ACVR2A: variants seen among roughly 807,000 people sequenced by gnomAD.
The protein encoded by ACVR2A is activin A receptor type 2A.
In ACVR2A, 7 loss-of-function variants were observed where a neutral mutation model predicts 61.4. The ratio of observed to expected loss-of-function variants is 0.11; its 90% confidence interval spans 0.06 to 0.21. The LOEUF (loss-of-function observed/expected upper bound fraction) is 0.21, where lower values mean the gene tolerates loss of function less well. ACVR2A is among the 10% of genes least tolerant of loss of function. The pLI, the probability that ACVR2A is intolerant of heterozygous loss-of-function variation, is 1.00. For missense variants in ACVR2A, 322 were observed against 621.7 expected (o/e 0.52, Z 5.13); for synonymous variants, 193 against 208.3 (o/e 0.93, Z 0.63).
Position 147,888,210 on chromosome 2 carries a change from T to A in ACVR2A, c.56-8091T>A, listed in dbSNP as rs144556445. On this transcript the variant is annotated intron_variant, in intron 1 of 10. Coordinates refer to ENST00000241416, the MANE Select transcript of ACVR2A (RefSeq NM_001616.5). ...CCCTCTGTCAGTACCTTGCTGTCTT[T>A]ATTATTGCAGTTACATTTTAAGCCT... 5.3e-3 allele frequency among the ~76,000 whole-genome samples: 805 copies of A among 152,304 alleles called. 6 individuals are homozygous for A. The highest frequency in any genetic ancestry group is 0.018 in the African/African-American group (741 of 41,574).
At chr2:147,892,871 G>A (rs1285089181) in intron 1 of ACVR2A, among the ~76,000 whole-genome samples, 5 of 151,598 alleles carry the variant, frequency 3.3e-5, no homozygotes, top group Non-Finnish European at 5.9e-5. Flanking sequence ...TCAAGATATG[G>A]TAGTTTCTTT....
chr2:147,855,665 TA>T (rs1685552539), intron 1 of ACVR2A, among the ~76,000 whole-genome samples: 1 of 152,148 alleles, frequency 6.6e-6, no homozygotes, highest in African/African-American at 2.4e-5. Flanking sequence ...TTAGTCATCT[TA>T]TTTTTTTTCC....
Position 147,902,838 on chromosome 2 carries a change from A to G in ACVR2A, c.528+2940A>G, listed in dbSNP as rs567113442. 3 of 152,126 alleles carry G rather than the reference A, an allele frequency of 2.0e-5. No homozygotes were observed. In the East Asian group the frequency reaches 5.8e-4, roughly 29 times the overall value. The allele number at this position is 152,126 out of a possible 1,614,324, so 9.4% of individuals were successfully genotyped here. On this transcript the variant is annotated intron_variant, in intron 4 of 10. Transcript: ENST00000241416. ...ATTCACGTCCCCATATTTCAACTTT[A>G]CATCAGTTAGGAAAAGATCTTACAG...
chr2:147,876,367 A>C (rs17742342), intron 1 of ACVR2A, among the ~76,000 whole-genome samples: 21,908 of 152,144 alleles, frequency 0.14, 1,950 homozygotes, highest in Middle Eastern at 0.22. Flanking sequence ...AAAAGTGAGC[A>C]AAAAATTTAA....
intron 8 of ACVR2A, among the ~76,000 whole-genome samples, chr2:147,920,601 C>A (rs922188504): frequency 3.3e-5 from 5 of 152,112 alleles, no homozygotes; most frequent in Admixed American, 3.3e-4. Flanking sequence ...GAATAATCCA[C>A]CACCTTTTAA....
intron 1 of ACVR2A, among the ~76,000 whole-genome samples, chr2:147,882,806 C>T (rs1215572174): frequency 1.5e-5 from 2 of 133,160 alleles, no homozygotes; most frequent in East Asian, 5.5e-4. Context: ...TGGGGTATTA[C>T]AGACAAGAGG....
At chr2:147,856,665 C>T (rs1027168349) in intron 1 of ACVR2A, among the ~76,000 whole-genome samples, 15 of 151,616 alleles carry the variant, frequency 9.9e-5, no homozygotes, top group South Asian at 4.2e-4. Context: ...TAAATGAGGA[C>T]GATGATAAAT....
rs573724496 is a variant in ACVR2A, at chr2:147,881,922, C to T, written c.56-14379C>T. On this transcript the variant is annotated intron_variant, in intron 1 of 10. Coordinates refer to ENST00000241416, the MANE Select transcript of ACVR2A (RefSeq NM_001616.5). The stretch of plus-strand genomic sequence containing the variant: ...AAATTTTGTTAATACAAAAATGTAC[C>T]GTTTGTGTTGAACTGGATCTACAAT... 3.3e-5 allele frequency among the ~76,000 whole-genome samples: 5 copies of T among 151,780 alleles called. No homozygotes were observed. The East Asian group carries it at 7.8e-4, about 24-fold the overall frequency.
At chr2:147,917,161 A>G (rs910086433) in intron 5 of ACVR2A, 122 bp from the exon 6 acceptor site, 31 of 1,098,632 alleles carry the variant, frequency 2.8e-5, no homozygotes, top group Middle Eastern at 6.2e-4. Context: ...AGAACAAAAA[A>G]TTTTTTAAGA....
intron 5 of ACVR2A, 84 bp downstream of exon 5, chr2:147,915,418 CCA>C: frequency 6.6e-7 from 1 of 1,525,562 alleles, no homozygotes; most frequent in Non-Finnish European, 9.0e-7. Context: ...AAAACAGAAG[CCA>C]TATGTACCAA....
rs1687227882 is a variant in ACVR2A, at chr2:147,915,510, A to G, written c.672+176A>G. Among the ~76,000 whole-genome samples the G allele has an allele frequency of 5.3e-5, 8 of 151,974 alleles. No individual in the cohort carries two copies. The South Asian group carries it at 1.7e-3, about 31-fold the overall frequency. ...GCATCTGAGAAATGGAATTGTTAAT[A>G]TAACAATCATTATGTTTGTCTGGAG... On this transcript the variant is annotated intron_variant, in intron 5 of 10. Transcript: ENST00000241416.
At chr2:147,873,279 T>A (rs1686068440) in intron 1 of ACVR2A, among the ~76,000 whole-genome samples, 1 of 151,964 alleles carries the variant, frequency 6.6e-6, no homozygotes, top group Non-Finnish European at 1.5e-5. Context: ...TTTCAGATTT[T>A]CTAGTAGCCA....
intron 2 of ACVR2A, 113 bp downstream of exon 2, chr2:147,896,621 T>G: frequency 1.0e-6 from 1 of 983,258 alleles, no homozygotes; most frequent in African/African-American, 1.6e-5. Context: ...TCTTGCTTTT[T>G]AAAAAATGGG....
chr2:147,893,762 T>C (rs1296286924), intron 1 of ACVR2A, among the ~76,000 whole-genome samples: 3 of 152,200 alleles, frequency 2.0e-5, no homozygotes, highest in African/African-American at 2.4e-5. Context: ...GAGGCCGTTA[T>C]ATTTTCTGAG....
intron 4 of ACVR2A, among the ~76,000 whole-genome samples, chr2:147,901,997 A>G (rs1192179738): frequency 6.6e-6 from 1 of 152,030 alleles, no homozygotes; most frequent in Non-Finnish European, 1.5e-5. Context: ...GCATTTATTG[A>G]GCATTTTACA....
chr2:147,900,050 A>G (rs996948055), intron 4 of ACVR2A, 152 bp downstream of exon 4: 19 of 868,834 alleles, frequency 2.2e-5, no homozygotes, highest in East Asian at 1.9e-4. Context: ...TAACTTTGCA[A>G]ACTTATTAAT....
intron 1 of ACVR2A, among the ~76,000 whole-genome samples, chr2:147,845,861 A>G (rs72853841): frequency 1.3e-5 from 2 of 152,310 alleles, no homozygotes; most frequent in African/African-American, 2.4e-5. Flanking sequence ...TTCAACCACC[A>G]TTTGTGTGCT....
chr2:147,865,853 TC>T (rs2105150401), intron 1 of ACVR2A, among the ~76,000 whole-genome samples: 1 of 152,190 alleles, frequency 6.6e-6, no homozygotes, highest in African/African-American at 2.4e-5. Flanking sequence ...TATGTTAGAG[TC>T]CCTTGGGATA....
chr2:147,907,640 G>C lies in ACVR2A; in HGVS notation c.529-7551G>C, dbSNP rs570333944. On this transcript the variant is annotated intron_variant, in intron 4 of 10. Coordinates refer to ENST00000241416, the MANE Select transcript of ACVR2A (RefSeq NM_001616.5). The stretch of plus-strand genomic sequence containing the variant: ...TGACTTGGCTTAGAGTCACCCTAGT[G>C]GGTGGCAAAGCCTGGGCATTTATAT... Among the ~76,000 whole-genome samples, 174 of 152,294 alleles carry C rather than the reference G, an allele frequency of 1.1e-3. 1 individual carries two copies. In the Middle Eastern group the frequency reaches 0.02, roughly 18 times the overall value.
Sources: allele counts gnomAD v4.1 joint callset (sites outside exome capture counted in the v4.1 genomes callset), GRCh38; gene constraint gnomAD v4.1.1; transcripts MANE v1.5; gene names NCBI Gene and HGNC (gene_info 2026-07-23, HGNC 2026-07-21).